Variants in MAN1A1 observed in about 807,000 individuals in gnomAD.
MAN1A1 encodes mannosidase alpha class 1A member 1.
A neutral mutation model predicts 70.8 loss-of-function variants in MAN1A1; 29 were observed. The observed-to-expected ratio is 0.41, with a 90% CI of 0.31 to 0.56. The LOEUF (loss-of-function observed/expected upper bound fraction) is 0.56, where lower values mean the gene tolerates loss of function less well. MAN1A1 is among the 20% of genes least tolerant of loss of function. The pLI, the probability that MAN1A1 is intolerant of heterozygous loss-of-function variation, is 0.29. For missense variants in MAN1A1, 747 were observed against 841.3 expected, an observed-to-expected ratio of 0.89 and a Z score of 1.39; for synonymous variants, 349 against 330.1, an observed-to-expected ratio of 1.06 and a Z score of -0.62.
At chr6:119,338,135 C>T (rs922323816) in intron 2 of MAN1A1, among the ~76,000 whole-genome samples, 1 of 150,880 alleles carries the variant, frequency 6.6e-6, no homozygotes, top group Non-Finnish European at 1.5e-5. Flanking sequence ...CATGTCTAAC[C>T]ACAATTTATA....
chr6:119,314,787 C>T (rs970357864), intron 2 of MAN1A1, among the ~76,000 whole-genome samples: 3 of 152,148 alleles, frequency 2.0e-5, no homozygotes, highest in Non-Finnish European at 2.9e-5. Flanking sequence ...CACAGCACCA[C>T]CTTTCCTTGC....
At chr6:119,214,662 G>A (rs1028369339) in intron 6 of MAN1A1, among the ~76,000 whole-genome samples, 17 of 151,838 alleles carry the variant, frequency 1.1e-4, no homozygotes, top group Non-Finnish European at 2.1e-4. Context: ...ATACCACCAC[G>A]GCTGGCTAAT....
chr6:119,289,695 T>C (rs1191937733), intron 5 of MAN1A1, among the ~76,000 whole-genome samples: 1 of 151,972 alleles, frequency 6.6e-6, no homozygotes, highest in African/African-American at 2.4e-5. Context: ...GAATAAAATC[T>C]AAACAGAGAG....
chr6:119,284,359 T>G (rs1329714917), intron 5 of MAN1A1, among the ~76,000 whole-genome samples: 1 of 152,156 alleles, frequency 6.6e-6, no homozygotes, highest in Non-Finnish European at 1.5e-5. Flanking sequence ...AGGGTCTTCC[T>G]GCTGAGGGGG....
intron 8 of MAN1A1, among the ~76,000 whole-genome samples, chr6:119,194,480 C>G (rs75324617): frequency 6.6e-6 from 1 of 152,086 alleles, no homozygotes; most frequent in South Asian, 2.1e-4. Flanking sequence ...CGCATCACCA[C>G]GCCAGGCTCA....
At chr6:119,292,201 G>C (rs1358425827) in intron 4 of MAN1A1, among the ~76,000 whole-genome samples, 1 of 151,860 alleles carries the variant, frequency 6.6e-6, no homozygotes, top group African/African-American at 2.4e-5. Flanking sequence ...TCTGTTACTA[G>C]GTAAGTTAGA....
At chr6:119,276,149 A>G (rs1776057924) in intron 5 of MAN1A1, among the ~76,000 whole-genome samples, 1 of 152,166 alleles carries the variant, frequency 6.6e-6, no homozygotes, top group Non-Finnish European at 1.5e-5. Flanking sequence ...CAAATCTTCC[A>G]TGGTTGACCC....
intron 3 of MAN1A1, 150 bp downstream of exon 3, chr6:119,306,746 T>C: frequency 1.6e-6 from 1 of 644,026 alleles, no homozygotes; most frequent in Non-Finnish European, 2.8e-6. Context: ...GGACACACTA[T>C]GCACAATCCT....
rs747847452 is a variant in MAN1A1 at position 119,189,850 on chromosome 6, T to C, written c.1360A>G (p.Ser454Gly). 4 of 1,614,150 alleles carry C rather than the reference T, an allele frequency of 2.5e-6. No individual in the cohort carries two copies. In the East Asian group the frequency reaches 8.9e-5, roughly 36 times the overall value. The change falls in exon 10 of 13, where the codon AGC becomes GGC. Residue 454 changes from serine (S) to glycine (G), a missense_variant. Coordinates refer to ENST00000368468, the MANE Select transcript of MAN1A1 (RefSeq NM_005907.4). ...CACTCTGCGATATAAGTTAGTCCGC[T>C]GCTAGACTTGCGGATCAAATGAGTC... ...IETHLIRKSS[S>G]GLTYIAEWKG...
intron 2 of MAN1A1, among the ~76,000 whole-genome samples, chr6:119,309,698 G>T (rs1052530218): frequency 6.6e-6 from 1 of 152,188 alleles, no homozygotes; most frequent in Non-Finnish European, 1.5e-5. Context: ...TCCTGAATAC[G>T]TATATTTGCT....
In MAN1A1 at chr6:119,349,141, C is replaced by CGG; in HGVS notation, c.-78_-77dup. The CGG allele has an allele frequency of 1.6e-6, 2 of 1,256,204 alleles. No individual in the cohort carries two copies. The highest frequency in any genetic ancestry group is 2.0e-6 in the Non-Finnish European group (2 of 1,003,058). The allele number at this position is 1,256,204 out of a possible 1,614,324, so 77.8% of individuals were successfully genotyped here. On this transcript the variant is annotated 5_prime_UTR_variant, in exon 2 of 13. Coordinates refer to ENST00000368468, the MANE Select transcript of MAN1A1 (RefSeq NM_005907.4). ...CGCCGCCGCTGGGAGTCCGCGGCTGCGGGGCTGGGTCCTGCGTAGCCAGGC... is the reference window on the plus strand; with the variant it reads ...CGCCGCCGCTGGGAGTCCGCGGCTGCGGGGGGCTGGGTCCTGCGTAGCCAGGC...
intron 6 of MAN1A1, among the ~76,000 whole-genome samples, chr6:119,223,844 G>A (rs1406532876): frequency 6.6e-6 from 1 of 151,728 alleles, no homozygotes; most frequent in Non-Finnish European, 1.5e-5. Flanking sequence ...ATAAAATCTG[G>A]GCATTATATA....
chr6:119,195,123 C>T (rs1373902728), intron 8 of MAN1A1, among the ~76,000 whole-genome samples: 2 of 152,134 alleles, frequency 1.3e-5, no homozygotes, highest in Admixed American at 6.5e-5. Flanking sequence ...TGAGGCACTG[C>T]GCCTGGCCCA....
rs150952635 is a variant in MAN1A1, at chr6:119,253,939, C to T, written c.898-5585G>A. Among the ~76,000 whole-genome samples, 528 of 152,232 alleles carry T rather than the reference C, an allele frequency of 3.5e-3. 3 individuals are homozygous for T. Among genetic ancestry groups the T allele is most frequent in the African/African-American group, 0.012 (498 of 41,532 alleles). ...AAAAATATTAATTAGCTCATTGATACTTGAGTCAAATCATACACGAGACTG... is the reference window on the plus strand; with the variant it reads ...AAAAATATTAATTAGCTCATTGATATTTGAGTCAAATCATACACGAGACTG... On this transcript the variant is annotated intron_variant, in intron 5 of 12. Coordinates refer to ENST00000368468, the MANE Select transcript of MAN1A1 (RefSeq NM_005907.4).
chr6:119,234,859 T>C (rs1317572335), intron 6 of MAN1A1, among the ~76,000 whole-genome samples: 3 of 152,228 alleles, frequency 2.0e-5, no homozygotes, highest in Non-Finnish European at 4.4e-5. Flanking sequence ...GTCAAGTCTA[T>C]TGGTGCCATT....
At chr6:119,261,763 C>T (rs906821103) in intron 5 of MAN1A1, among the ~76,000 whole-genome samples, 1 of 152,004 alleles carries the variant, frequency 6.6e-6, no homozygotes, top group African/African-American at 2.4e-5. Context: ...CTGACTTTAC[C>T]CAATATGATT....
chr6:119,263,566 T>C (rs1369167872), intron 5 of MAN1A1, among the ~76,000 whole-genome samples: 1 of 152,148 alleles, frequency 6.6e-6, no homozygotes, highest in East Asian at 1.9e-4. Context: ...GCTTATTACT[T>C]GTGTGAAAAA....
intron 6 of MAN1A1, among the ~76,000 whole-genome samples, chr6:119,238,334 CT>C: frequency 6.6e-6 from 1 of 152,238 alleles, no homozygotes; most frequent in Non-Finnish European, 1.5e-5. Context: ...GCTCTAAGGG[CT>C]TTGCAAGTAG....
intron 6 of MAN1A1, among the ~76,000 whole-genome samples, chr6:119,230,160 C>A (rs1465924435): frequency 6.6e-6 from 1 of 152,194 alleles, no homozygotes; most frequent in Non-Finnish European, 1.5e-5. Context: ...ACCTGCATTG[C>A]AGGCTTGTGT....
Sources: allele counts gnomAD v4.1 joint callset (sites outside exome capture counted in the v4.1 genomes callset), GRCh38; gene constraint gnomAD v4.1.1; transcripts MANE v1.5; gene names NCBI Gene and HGNC (gene_info 2026-07-23, HGNC 2026-07-21).